The following MTUS2 variants were observed in gnomAD, a reference collection of about 807,000 sequenced individuals.
MTUS2 encodes the protein microtubule-associated tumor suppressor candidate 2.
Under a neutral mutation model 114.1 loss-of-function variants are expected in MTUS2, and 40 were observed. The ratio of observed to expected loss-of-function variants is 0.35; its 90% CI spans 0.27 to 0.46. The LOEUF is 0.46. Ranked by LOEUF, MTUS2 falls within the 20% of genes least tolerant of loss-of-function variation. The probability of loss-of-function intolerance (pLI) is 1.00; values close to 1 mark genes in which losing one functional copy is unlikely to be tolerated. For missense variants in MTUS2, 1,679 were observed against 1,705.4 expected (o/e 0.98, Z 0.27); for synonymous variants, 688 against 672.0 (o/e 1.02, Z -0.37).
intron 9 of MTUS2, 175 bp from the exon 10 acceptor site, chr13:29,479,975 G>A: frequency 1.7e-6 from 1 of 589,862 alleles, no homozygotes; most frequent in Admixed American, 3.0e-5. Context: ...AGGGTCTGTT[G>A]TGAGGATCTA....
intron 8 of MTUS2, among the ~76,000 whole-genome samples, chr13:29,437,231 T>C (rs551310652): frequency 1.3e-5 from 2 of 152,354 alleles, no homozygotes; most frequent in East Asian, 3.9e-4. Context: ...CCTGGCCCAG[T>C]CTAAGTCTTT....
chr13:28,951,496 TA>T (rs1020547297), intron 2 of MTUS2, among the ~76,000 whole-genome samples: 1 of 151,990 alleles, frequency 6.6e-6, no homozygotes, highest in Admixed American at 6.6e-5. Context: ...TTCTCTTAAT[TA>T]AAAAAAATTA....
At chr13:29,085,990 A>T (rs2475529) in intron 4 of MTUS2, among the ~76,000 whole-genome samples, 98,183 of 151,970 alleles carry the variant, frequency 0.65, 32,807 homozygotes, top group Non-Finnish European at 0.74. Context: ...CTGGTGTGAG[A>T]TGGTATGTCA....
At chr13:29,487,469 A>G (rs547750355) in intron 10 of MTUS2, 1 of 164,796 alleles carries the variant, frequency 6.1e-6, no homozygotes, top group Non-Finnish European at 1.3e-5. Flanking sequence ...TATCTCGGAC[A>G]GCCTAATAAG....
intron 2 of MTUS2, among the ~76,000 whole-genome samples, chr13:28,888,247 A>G (rs1446829435): frequency 6.6e-6 from 1 of 151,954 alleles, no homozygotes; most frequent in Non-Finnish European, 1.5e-5. Flanking sequence ...TGGGTCTCAG[A>G]GTTTTACTAA....
chr13:29,153,573 G>T (rs1458128523), intron 5 of MTUS2, among the ~76,000 whole-genome samples: 1 of 152,074 alleles, frequency 6.6e-6, no homozygotes, highest in Non-Finnish European at 1.5e-5. Flanking sequence ...AGGATGGCTG[G>T]CACTGCCTCC....
chr13:29,039,530 A>G (rs371808192), intron 4 of MTUS2, among the ~76,000 whole-genome samples: 8 of 152,214 alleles, frequency 5.3e-5, no homozygotes, highest in African/African-American at 1.4e-4. Flanking sequence ...TCAGGCTTCT[A>G]TCCTTCCCAC....
intron 8 of MTUS2, among the ~76,000 whole-genome samples, chr13:29,381,485 C>CAT (rs1359707806): frequency 1.3e-5 from 2 of 152,154 alleles, no homozygotes; most frequent in Non-Finnish European, 1.5e-5. Flanking sequence ...CTAACATTTA[C>CAT]ATATGTTTAC....
intron 2 of MTUS2, among the ~76,000 whole-genome samples, chr13:28,975,639 C>T (rs1312837115): frequency 6.6e-6 from 1 of 152,242 alleles, no homozygotes; most frequent in Admixed American, 6.5e-5. Context: ...TGAGTGCATT[C>T]CATTTGCCAG....
chr13:28,855,902 C>G (rs758954721), intron 2 of MTUS2, among the ~76,000 whole-genome samples: 1 of 152,156 alleles, frequency 6.6e-6, no homozygotes. Context: ...AGTGTAAAAG[C>G]GTTCCTATTT....
intron 8 of MTUS2, among the ~76,000 whole-genome samples, chr13:29,376,270 G>A (rs1246554937): frequency 6.6e-6 from 1 of 152,094 alleles, no homozygotes; most frequent in East Asian, 1.9e-4. Context: ...AGAAGATAAT[G>A]ACTACATGTG....
chr13:29,333,157 A>T (rs1443518332), intron 7 of MTUS2, among the ~76,000 whole-genome samples: 1 of 152,044 alleles, frequency 6.6e-6, no homozygotes. Flanking sequence ...CAGGTTGTTC[A>T]ATTTTTCTGT....
chr13:29,448,909 A>G (rs1878483074), intron 9 of MTUS2, among the ~76,000 whole-genome samples: 1 of 151,324 alleles, frequency 6.6e-6, no homozygotes, highest in African/African-American at 2.4e-5. Flanking sequence ...ACGGGCCACC[A>G]CGCCCGGCTA....
chr13:28,992,511 T>A (rs772074565), intron 2 of MTUS2, among the ~76,000 whole-genome samples: 4 of 152,094 alleles, frequency 2.6e-5, no homozygotes, highest in Admixed American at 1.3e-4. Context: ...GCAGGGAGAT[T>A]TACAGCATTG....
At chr13:29,443,678 C>G (rs1416015762) in intron 9 of MTUS2, among the ~76,000 whole-genome samples, 1 of 152,178 alleles carries the variant, frequency 6.6e-6, no homozygotes, top group Non-Finnish European at 1.5e-5. Flanking sequence ...AACTGTCAAC[C>G]GTAAAGCGCA....
At chr13:29,494,141 A>G (rs943434671) in intron 12 of MTUS2, among the ~76,000 whole-genome samples, 1 of 152,250 alleles carries the variant, frequency 6.6e-6, no homozygotes, top group African/African-American at 2.4e-5. Context: ...GGATGATGAC[A>G]GTATCTTTCT....
chr13:28,902,321 C>T (rs1030629653), intron 2 of MTUS2, among the ~76,000 whole-genome samples: 1 of 151,974 alleles, frequency 6.6e-6, no homozygotes, highest in African/African-American at 2.4e-5. Context: ...CTTTTTCTTG[C>T]CATATTTTGC....
chr13:28,884,105 C>T (rs1271154695), intron 2 of MTUS2, among the ~76,000 whole-genome samples: 2 of 152,150 alleles, frequency 1.3e-5, no homozygotes, highest in African/African-American at 2.4e-5. Context: ...TTTGTACACT[C>T]ATGTTCATAG....
intron 4 of MTUS2, among the ~76,000 whole-genome samples, chr13:29,059,483 T>C (rs1888308560): frequency 6.6e-6 from 1 of 152,058 alleles, no homozygotes; most frequent in Non-Finnish European, 1.5e-5. Flanking sequence ...CCTGGTAGAA[T>C]GTAAGGTTGC....
Sources: allele counts gnomAD v4.1 joint callset (sites outside exome capture counted in the v4.1 genomes callset), GRCh38; gene constraint gnomAD v4.1.1; transcripts MANE v1.5; gene names NCBI Gene and HGNC (gene_info 2026-07-23, HGNC 2026-07-21).